ATP2C1: variants seen among roughly 807,000 people sequenced by gnomAD.
The protein encoded by ATP2C1 is ATPase secretory pathway Ca2+ transporting 1, also known as calcium-transporting ATPase type 2C member 1.
Under a neutral mutation model 120.5 loss-of-function variants are expected in ATP2C1, and 31 were observed. The ratio of observed to expected loss-of-function variants is 0.26; its 90% CI spans 0.19 to 0.35. The LOEUF is 0.35. Among genes scored for constraint, ATP2C1 ranks in the 10% least tolerant of loss-of-function variants. The pLI, the probability that ATP2C1 is intolerant of heterozygous loss-of-function variation, is 1.00. For synonymous variants in ATP2C1, 351 were observed against 358.7 expected, an observed-to-expected ratio of 0.98 and a Z score of 0.24; for missense variants, 731 against 1,107.5, an observed-to-expected ratio of 0.66 and a Z score of 4.83.
chr3:130,926,808 A>G (rs2059229282), intron 2 of ATP2C1, among the ~76,000 whole-genome samples: 1 of 152,232 alleles, frequency 6.6e-6, no homozygotes, highest in Admixed American at 6.5e-5. Context: ...CTGTTTTCCT[A>G]TCATGTGAAA....
At chr3:130,856,295 T>C (rs1425647069) in intron 1 of ATP2C1, 1 of 152,220 alleles carries the variant, frequency 6.6e-6, no homozygotes, top group South Asian at 2.1e-4. Context: ...ATTTGAATTT[T>C]AGAAACTTAT....
intron 1 of ATP2C1, among the ~76,000 whole-genome samples, chr3:130,864,100 G>T (rs2068095746): frequency 6.6e-6 from 1 of 152,216 alleles, no homozygotes. Flanking sequence ...CTAAAGACTT[G>T]TTGAATGGCT....
exon 1 of ATP2C1, chr3:130,850,901 G>T: frequency 7.1e-7 from 1 of 1,416,654 alleles, no homozygotes; most frequent in Non-Finnish European, 9.2e-7. Context: ...ATTTATCGAC[G>T]CTGAGAAACC....
intron 2 of ATP2C1, chr3:130,928,021 C>T (rs2059291536): frequency 6.5e-6 from 1 of 152,882 alleles, no homozygotes; most frequent in Non-Finnish European, 1.5e-5. Flanking sequence ...GGTAGGCAGA[C>T]TTGGAACAAT....
intron 1 of ATP2C1, among the ~76,000 whole-genome samples, chr3:130,884,930 C>CTTTTTTTTTTTTTTTT (rs35931105): frequency 1.7e-5 from 2 of 120,864 alleles, no homozygotes; most frequent in African/African-American, 3.1e-5. Context: ...TCTTTTCTTT[C>CTTTTTTTTTTTTTTTT]TTTTTTTTTT....
chr3:130,924,188 A>G (rs1272933421), intron 2 of ATP2C1, among the ~76,000 whole-genome samples: 1 of 149,288 alleles, frequency 6.7e-6, no homozygotes, highest in East Asian at 2.0e-4. Flanking sequence ...AGGCCCTGTG[A>G]GATATATGCT....
chr3:130,988,249 A>G (rs914852528), intron 20 of ATP2C1, among the ~76,000 whole-genome samples: 1 of 151,948 alleles, frequency 6.6e-6, no homozygotes, highest in Admixed American at 6.6e-5. Flanking sequence ...CTCCTTTAAT[A>G]TTTTCCTTTC....
chr3:130,883,145 C>G (rs1308754422), intron 1 of ATP2C1, among the ~76,000 whole-genome samples: 1 of 152,152 alleles, frequency 6.6e-6, no homozygotes, highest in South Asian at 2.1e-4. Flanking sequence ...GTTGATGATA[C>G]TAGCCACTAA....
chr3:130,919,085 C>G, intron 2 of ATP2C1: 3 of 466,550 alleles, frequency 6.4e-6, no homozygotes, highest in East Asian at 1.2e-4. Context: ...CTCCCGCAGA[C>G]CCCACACTTG....
chr3:130,992,878 A>T, intron 20 of ATP2C1, 73 bp from the exon 21 acceptor site: 1 of 1,196,162 alleles, frequency 8.4e-7, no homozygotes, highest in Non-Finnish European at 1.2e-6. Flanking sequence ...TTTCATCATT[A>T]GTTATGAATG....
At chr3:130,923,641 G>A (rs566414186) in intron 2 of ATP2C1, among the ~76,000 whole-genome samples, 27 of 152,130 alleles carry the variant, frequency 1.8e-4, no homozygotes, top group African/African-American at 6.5e-4. Flanking sequence ...GCATAGGTGG[G>A]TGGATTGCTT....
chr3:130,923,864 C>CA (rs59951169), intron 2 of ATP2C1, among the ~76,000 whole-genome samples: 6,781 of 88,756 alleles, frequency 0.076, 238 homozygotes, highest in East Asian at 0.15. Flanking sequence ...GACTCTGTCT[C>CA]AAAAAAAAAA....
chr3:130,950,498 G>A (rs575203690), intron 8 of ATP2C1, among the ~76,000 whole-genome samples: 1 of 152,098 alleles, frequency 6.6e-6, no homozygotes, highest in East Asian at 1.9e-4. Context: ...TAATAGGCTT[G>A]CCTAATTTAT....
intron 2 of ATP2C1, among the ~76,000 whole-genome samples, chr3:130,901,012 G>T (rs531894717): frequency 6.6e-6 from 1 of 152,174 alleles, no homozygotes; most frequent in East Asian, 1.9e-4. Flanking sequence ...ATATTAGTTG[G>T]CTTAATTAAG....
At chr3:131,013,773 TTGCTGC>T (rs2063438960) in intron 26 of ATP2C1, 1 of 222,910 alleles carries the variant, frequency 4.5e-6, no homozygotes, top group Non-Finnish European at 8.7e-6. Context: ...GCTGGCTAAA[TTGCTGC>T]AATTTAAAGC....
At chr3:130,974,297 G>C (rs2108734526) in intron 17 of ATP2C1, among the ~76,000 whole-genome samples, 1 of 152,318 alleles carries the variant, frequency 6.6e-6, no homozygotes, top group Admixed American at 6.5e-5. Flanking sequence ...ATGCTCTCCT[G>C]CTGCCTCCCT....
chr3:130,982,574 A>G (rs1022971381), intron 20 of ATP2C1, among the ~76,000 whole-genome samples: 1 of 152,182 alleles, frequency 6.6e-6, no homozygotes, highest in Non-Finnish European at 1.5e-5. Flanking sequence ...ATGCACATCT[A>G]TTTGTATGTC....
chr3:130,997,475 T>C, intron 24 of ATP2C1, 131 bp from the exon 25 acceptor site: 1 of 841,826 alleles, frequency 1.2e-6, no homozygotes, highest in Non-Finnish European at 1.9e-6. Context: ...AGCCAGCGTT[T>C]TATGATGCAA....
At chr3:130,887,441 G>C (rs558848649) in intron 1 of ATP2C1, among the ~76,000 whole-genome samples, 1 of 152,196 alleles carries the variant, frequency 6.6e-6, no homozygotes, top group East Asian at 1.9e-4. Flanking sequence ...GCCCCGGGTG[G>C]GTCCAGAGAT....
Sources: allele counts gnomAD v4.1 joint callset (sites outside exome capture counted in the v4.1 genomes callset), GRCh38; gene constraint gnomAD v4.1.1; transcripts MANE v1.5; gene names NCBI Gene and HGNC (gene_info 2026-07-23, HGNC 2026-07-21).